Variants in ATP8A2 observed in about 807,000 individuals in gnomAD.
The protein encoded by ATP8A2 is ATPase phospholipid transporting 8A2.
Under a neutral mutation model 165.6 loss-of-function variants are expected in ATP8A2, and 100 were observed. That is an observed-to-expected ratio of 0.60 (90% CI 0.51 to 0.71). The LOEUF (loss-of-function observed/expected upper bound fraction) is 0.71, where lower values mean the gene tolerates loss of function less well. ATP8A2 is among the 30% of genes least tolerant of loss of function. ATP8A2 has a pLI of 0.00. For missense variants in ATP8A2, 1,227 were observed against 1,479.5 expected, an observed-to-expected ratio of 0.83 and a Z score of 2.80; for synonymous variants, 543 against 548.8, an observed-to-expected ratio of 0.99 and a Z score of 0.15.
At chr13:25,486,015 T>A (rs1486706247) in intron 2 of ATP8A2, among the ~76,000 whole-genome samples, 1 of 152,212 alleles carries the variant, frequency 6.6e-6, no homozygotes, top group African/African-American at 2.4e-5. Context: ...ACTCCAGTAC[T>A]CCATATTAGT....
intron 1 of ATP8A2, among the ~76,000 whole-genome samples, chr13:25,441,515 G>A (rs2034930928): frequency 6.6e-6 from 1 of 152,102 alleles, no homozygotes; most frequent in South Asian, 2.1e-4. Context: ...ACCGTTCTGG[G>A]CTTCTCCTGG....
chr13:25,646,529 G>C (rs956607181), intron 24 of ATP8A2, among the ~76,000 whole-genome samples: 1 of 151,574 alleles, frequency 6.6e-6, no homozygotes, highest in South Asian at 2.1e-4. Context: ...GGTGGTGGGC[G>C]CCTGTAATCC....
chr13:25,509,867 G>A (rs1284033867), intron 2 of ATP8A2, among the ~76,000 whole-genome samples: 1 of 152,060 alleles, frequency 6.6e-6, no homozygotes, highest in Non-Finnish European at 1.5e-5. Context: ...ATGCAATAAG[G>A]CTATTACAGT....
chr13:25,685,809 A>G (rs1293680114), intron 24 of ATP8A2, among the ~76,000 whole-genome samples: 1 of 152,142 alleles, frequency 6.6e-6, no homozygotes, highest in African/African-American at 2.4e-5. Context: ...AGGACTTTGA[A>G]TGTAGTGACA....
rs148008759 is a variant in ATP8A2, at chr13:25,770,516, C to T, written c.2568+1287C>T. 4.6e-3 allele frequency among the ~76,000 whole-genome samples: 696 copies of T among 152,238 alleles called. 4 individuals are homozygous for T. Among genetic ancestry groups the T allele is most frequent in the African/African-American group, 0.016 (653 of 41,532 alleles). On this transcript the variant is annotated intron_variant, in intron 26 of 36. Coordinates refer to ENST00000381655, the MANE Select transcript of ATP8A2 (RefSeq NM_016529.6). ...AGTTATCCTTAAAAACTCTGCTCCC[C>T]GAATGCTTGGGGAGACTGATTTGAG...
chr13:25,934,621 G>T (rs1954838409), intron 33 of ATP8A2, among the ~76,000 whole-genome samples: 1 of 152,204 alleles, frequency 6.6e-6, no homozygotes, highest in Non-Finnish European at 1.5e-5. Flanking sequence ...GACCAGCACA[G>T]TGCCTGACAA....
In ATP8A2 at chr13:25,450,680, C is replaced by T. The variant is rs1853707; in HGVS notation, c.77-18297C>T. 9.0e-3 allele frequency among the ~76,000 whole-genome samples: 1,371 copies of T among 152,048 alleles called. 24 individuals are homozygous for T. The highest frequency in any genetic ancestry group is 0.032 in the African/African-American group (1,313 of 41,380). On this transcript the variant is annotated intron_variant, in intron 1 of 36. Transcript: ENST00000381655. ...CCGAGTAGCTGGGACTACAGGCGCC[C>T]GCCACCATGCCCGGCTAATTTTTTG...
chr13:25,694,111 A>G (rs945392351), intron 24 of ATP8A2, among the ~76,000 whole-genome samples: 12 of 149,742 alleles, frequency 8.0e-5, no homozygotes, highest in African/African-American at 2.4e-4. Context: ...TCCTCCTGCC[A>G]AGGAAGAAGA....
At position 25,372,326 on chromosome 13, in the gene ATP8A2, G is replaced by GCGCCGCCCCCGCCCC; in HGVS notation, c.76+38_76+39insCGCCGCCCCCGCCCC. ...GGGCGCGGCGAGGGAGGGTGGGCCC[G>GCGCCGCCCCCGCCCC]GGGCGGGGGCGGCGCGGGGCGCGCC... On this transcript the variant is annotated intron_variant, in intron 1 of 36. Coordinates refer to ENST00000381655, the MANE Select transcript of ATP8A2 (RefSeq NM_016529.6). This position sits in a 1 kb window ranked among gnomAD's most constrained non-coding sequence, Gnocchi z 4.8. The GCGCCGCCCCCGCCCC allele has an allele frequency of 1.4e-6, 2 of 1,393,740 alleles. No individual in the cohort carries two copies. The highest frequency in any genetic ancestry group is 1.9e-6 in the Non-Finnish European group (2 of 1,055,968). The allele number at this position is 1,393,740 out of a possible 1,614,324, so 86.3% of individuals were successfully genotyped here.
chr13:25,698,164 T>C (rs2042873589), intron 24 of ATP8A2, among the ~76,000 whole-genome samples: 1 of 152,096 alleles, frequency 6.6e-6, no homozygotes, highest in Non-Finnish European at 1.5e-5. Flanking sequence ...ATTACATTCT[T>C]ATATTTGAGT....
intron 33 of ATP8A2, among the ~76,000 whole-genome samples, chr13:25,925,515 G>A (rs1954576589): frequency 6.8e-6 from 1 of 147,990 alleles, no homozygotes; most frequent in African/African-American, 2.5e-5. Context: ...CAGCCTGGGC[G>A]ACAGAGTGAG....
chr13:25,556,440 G>T (rs2038982850), intron 13 of ATP8A2, among the ~76,000 whole-genome samples: 2 of 152,166 alleles, frequency 1.3e-5, no homozygotes, highest in East Asian at 3.9e-4. Context: ...CATGTCTTTT[G>T]CTCATTTTTT....
At chr13:25,908,727 C>A (rs557048574) in intron 33 of ATP8A2, among the ~76,000 whole-genome samples, 8 of 152,348 alleles carry the variant, frequency 5.3e-5, no homozygotes, top group Non-Finnish European at 7.3e-5. Context: ...CAAATACCAA[C>A]TGACTGCTGC....
chr13:25,858,880 A>G (rs1323121730), intron 30 of ATP8A2, among the ~76,000 whole-genome samples: 2 of 152,170 alleles, frequency 1.3e-5, no homozygotes, highest in African/African-American at 4.8e-5. Flanking sequence ...AGAACTTGAC[A>G]AGAGAGGGAG....
chr13:25,880,377 CAAAAAA>C (rs10641772), intron 33 of ATP8A2, among the ~76,000 whole-genome samples: 3 of 91,672 alleles, frequency 3.3e-5, no homozygotes, highest in South Asian at 4.4e-4. Context: ...TCAGGAACAA[CAAAAAA>C]AAAAAAAAAA....
intron 2 of ATP8A2, among the ~76,000 whole-genome samples, chr13:25,507,253 G>T (rs2037075967): frequency 1.1e-5 from 1 of 87,334 alleles, no homozygotes; most frequent in Non-Finnish European, 2.4e-5. Flanking sequence ...GTGTGTGTGT[G>T]TGTGTGTGTG....
intron 24 of ATP8A2, among the ~76,000 whole-genome samples, chr13:25,641,787 C>CAT (rs2041529513): frequency 1.3e-5 from 2 of 151,894 alleles, no homozygotes; most frequent in African/African-American, 4.8e-5. Flanking sequence ...AAAGAGCCTG[C>CAT]ATTGCCAAGT....
At chr13:25,837,364 T>C in intron 29 of ATP8A2, 79 bp downstream of exon 29, 2 of 1,529,310 alleles carry the variant, frequency 1.3e-6, no homozygotes, top group Admixed American at 3.6e-5. Flanking sequence ...TAGGAGATAG[T>C]TGAAGCTTGA....
At chr13:25,527,229 C>T (rs766475438) in intron 2 of ATP8A2, among the ~76,000 whole-genome samples, 15 of 152,140 alleles carry the variant, frequency 9.9e-5, no homozygotes, top group Non-Finnish European at 2.1e-4. Context: ...GAATTAAATT[C>T]AAATAGGAAG....
Sources: gnomAD v4.1 joint callset for allele counts (sites outside exome capture counted in the v4.1 genomes callset) on GRCh38, gnomAD v4.1.1 for gene constraint, Gnocchi (gnomAD v3.1) non-coding constraint, MANE v1.5 for transcripts, NCBI Gene and HGNC (gene_info 2026-07-23, HGNC 2026-07-21) for gene names.